The following KCNH5 variants were observed in gnomAD, a reference collection of about 807,000 sequenced individuals.
The protein encoded by KCNH5 is voltage-gated delayed rectifier potassium channel KCNH5.
A neutral mutation model predicts 96.1 loss-of-function variants in KCNH5; 46 were observed. The observed-to-expected ratio is 0.48, with a 90% CI of 0.38 to 0.61. The LOEUF (loss-of-function observed/expected upper bound fraction) is 0.61. Among genes scored for constraint, KCNH5 ranks in the 20% least tolerant of loss-of-function variants. The pLI is 0.00. For missense variants in KCNH5, 907 were observed against 1,225.8 expected, an observed-to-expected ratio of 0.74 and a Z score of 3.88; for synonymous variants, 439 against 449.8, an observed-to-expected ratio of 0.98 and a Z score of 0.30.
intron 7 of KCNH5, among the ~76,000 whole-genome samples, chr14:62,947,370 A>ATC (rs1279302492): frequency 6.6e-6 from 1 of 152,100 alleles, no homozygotes; most frequent in East Asian, 1.9e-4. Context: ...AATCATCAGC[A>ATC]TCTCTCTCTG....
chr14:62,761,638 C>G (rs1188322932), intron 10 of KCNH5, among the ~76,000 whole-genome samples: 5 of 152,024 alleles, frequency 3.3e-5, no homozygotes, highest in Non-Finnish European at 7.4e-5. Flanking sequence ...TAATACAAGT[C>G]TATAAAAAAT....
intron 7 of KCNH5, among the ~76,000 whole-genome samples, chr14:62,864,163 T>C (rs1360021279): frequency 6.6e-6 from 1 of 152,216 alleles, no homozygotes; most frequent in Non-Finnish European, 1.5e-5. Flanking sequence ...GGGGTTCTTT[T>C]GCTTTAAAGA....
At chr14:62,838,223 C>T (rs1000377011) in intron 8 of KCNH5, among the ~76,000 whole-genome samples, 1 of 152,172 alleles carries the variant, frequency 6.6e-6, no homozygotes, top group African/African-American at 2.4e-5. Context: ...AGCCGGAATA[C>T]AGGAACTAGC....
chr14:62,798,093 A>C (rs1047119832), intron 9 of KCNH5, among the ~76,000 whole-genome samples: 1 of 152,158 alleles, frequency 6.6e-6, no homozygotes, highest in Non-Finnish European at 1.5e-5. Context: ...TTTCGTATTA[A>C]GTTGATTTAA....
chr14:62,868,560 T>A (rs79692926), intron 7 of KCNH5, among the ~76,000 whole-genome samples: 21,402 of 152,128 alleles, frequency 0.14, 1,747 homozygotes, highest in East Asian at 0.28. Flanking sequence ...AATTTAATTT[T>A]ATTTTTATTA....
intron 10 of KCNH5, among the ~76,000 whole-genome samples, chr14:62,720,054 G>A (rs946057964): frequency 6.6e-6 from 1 of 152,186 alleles, no homozygotes; most frequent in Non-Finnish European, 1.5e-5. Context: ...TAAGGACATA[G>A]GGAATGGCAG....
chr14:62,840,533 T>C (rs1477927363), intron 8 of KCNH5, among the ~76,000 whole-genome samples: 1 of 150,820 alleles, frequency 6.6e-6, no homozygotes, highest in African/African-American at 2.4e-5. Context: ...TTTTTTGTTT[T>C]GTTTTGTTTT....
At chr14:62,870,086 C>A (rs1378174624) in intron 7 of KCNH5, among the ~76,000 whole-genome samples, 1 of 145,590 alleles carries the variant, frequency 6.9e-6, no homozygotes, top group African/African-American at 2.8e-5. Context: ...GCAAAAGAGA[C>A]CTTTTAGGAA....
intron 8 of KCNH5, among the ~76,000 whole-genome samples, chr14:62,812,051 T>A (rs1886883151): frequency 6.6e-6 from 1 of 152,162 alleles, no homozygotes; most frequent in Non-Finnish European, 1.5e-5. Flanking sequence ...CTTGCTCAAG[T>A]CCTCTCAACA....
chr14:63,039,457 G>A (rs1891782496), intron 1 of KCNH5, among the ~76,000 whole-genome samples: 1 of 151,942 alleles, frequency 6.6e-6, no homozygotes, highest in Non-Finnish European at 1.5e-5. Context: ...GCACTGTTAT[G>A]AACTGATTCT....
intron 10 of KCNH5, among the ~76,000 whole-genome samples, chr14:62,777,859 TTGTG>T (rs56291938): frequency 2.2e-4 from 32 of 147,180 alleles, no homozygotes; most frequent in Admixed American, 5.4e-4. Context: ...GTATGTGTAT[TTGTG>T]TGTGTGTGTG....
chr14:62,817,777 G>T (rs1424153122), intron 8 of KCNH5, among the ~76,000 whole-genome samples: 1 of 136,300 alleles, frequency 7.3e-6, no homozygotes, highest in East Asian at 2.0e-4. Context: ...ATATATTCTA[G>T]GAATATATAT....
At chr14:62,923,975 A>G (rs1163398225) in intron 7 of KCNH5, among the ~76,000 whole-genome samples, 2 of 151,964 alleles carry the variant, frequency 1.3e-5, no homozygotes, top group Admixed American at 6.6e-5. Flanking sequence ...ACGTGGGACC[A>G]CATCAAACAA....
At chr14:62,752,034 C>T (rs960196717) in intron 10 of KCNH5, among the ~76,000 whole-genome samples, 2 of 152,178 alleles carry the variant, frequency 1.3e-5, no homozygotes, top group African/African-American at 4.8e-5. Context: ...TCATAGTTAA[C>T]AGGCTTTTGC....
At chr14:63,022,999 A>T (rs1351026696) in intron 1 of KCNH5, among the ~76,000 whole-genome samples, 1 of 151,934 alleles carries the variant, frequency 6.6e-6, no homozygotes, top group Non-Finnish European at 1.5e-5. Context: ...AGGTCAGGAG[A>T]TCGAGGCCAG....
chr14:62,827,664 A>G (rs982755688), intron 8 of KCNH5, among the ~76,000 whole-genome samples: 2 of 152,174 alleles, frequency 1.3e-5, no homozygotes, highest in Admixed American at 6.6e-5. Context: ...TTTACTCTGT[A>G]AGTGACCAGG....
intron 10 of KCNH5, among the ~76,000 whole-genome samples, chr14:62,739,392 C>G (rs531639674): frequency 6.6e-6 from 1 of 152,280 alleles, no homozygotes; most frequent in South Asian, 2.1e-4. Flanking sequence ...TTGGCTAAGG[C>G]TCTGTAGGCT....
chr14:62,853,456 CATAT>C (rs61444088), intron 7 of KCNH5, among the ~76,000 whole-genome samples: 12,604 of 93,240 alleles, frequency 0.14, 1,233 homozygotes, highest in Admixed American at 0.26. Flanking sequence ...AAAGAATAAT[CATAT>C]ATATATATAT....
At chr14:62,740,018 G>T (rs1324848373) in intron 10 of KCNH5, among the ~76,000 whole-genome samples, 1 of 151,980 alleles carries the variant, frequency 6.6e-6, no homozygotes, top group African/African-American at 2.4e-5. Context: ...CTTTCCTCTC[G>T]ACAGACAAAC....
Sources: allele counts gnomAD v4.1 joint callset (sites outside exome capture counted in the v4.1 genomes callset), GRCh38; gene constraint gnomAD v4.1.1; transcripts MANE v1.5; gene names NCBI Gene and HGNC (gene_info 2026-07-23, HGNC 2026-07-21).